MEIOB: variants seen among roughly 807,000 people sequenced by gnomAD.
MEIOB encodes meiosis-specific with OB domain-containing protein.
In MEIOB, 50 loss-of-function variants were observed where a neutral mutation model predicts 53.1. The ratio of observed to expected loss-of-function variants is 0.94; its 90% CI spans 0.75 to 1.19. MEIOB has a LOEUF of 1.19. Among genes scored for constraint, MEIOB ranks in the 50% most tolerant of loss-of-function variants. The probability of loss-of-function intolerance (pLI) is 0.00; values close to 1 mark genes in which losing one functional copy is unlikely to be tolerated. For missense variants in MEIOB, 551 were observed against 550.8 expected (o/e 1.00, Z 0.00); for synonymous variants, 192 against 182.5 (o/e 1.05, Z -0.42).
intron 10 of MEIOB, chr16:1,843,344 A>G (rs1898959920): frequency 6.6e-6 from 1 of 152,094 alleles, no homozygotes; most frequent in African/African-American, 2.4e-5. Flanking sequence ...TCACAAAACA[A>G]AAGTTATCAA....
intron 5 of MEIOB, among the ~76,000 whole-genome samples, chr16:1,858,411 C>T (rs1416670980): frequency 1.3e-5 from 2 of 152,084 alleles, no homozygotes; most frequent in Admixed American, 6.6e-5. Context: ...CCTCCTGCAC[C>T]GAGTCCCTCC....
At chr16:1,870,526 G>C (rs1369406218) in intron 1 of MEIOB, among the ~76,000 whole-genome samples, 1 of 152,192 alleles carries the variant, frequency 6.6e-6, no homozygotes, top group East Asian at 1.9e-4. Context: ...GTTTGTAGTC[G>C]TGTGTTTTAA....
At chr16:1,854,067 A>G in intron 7 of MEIOB, 33 bp downstream of exon 7, 1 of 1,271,574 alleles carries the variant, frequency 7.9e-7, no homozygotes. Context: ...AACTACAGGG[A>G]TTTCACAGTT....
At chr16:1,853,387 G>C in intron 7 of MEIOB, 116 bp from the exon 8 acceptor site, 1 of 781,912 alleles carries the variant, frequency 1.3e-6, no homozygotes, top group Non-Finnish European at 2.1e-6. Flanking sequence ...CCATCCCCAA[G>C]GTGGTCAAAG....
intron 9 of MEIOB, among the ~76,000 whole-genome samples, chr16:1,852,356 G>C (rs928383305): frequency 1.8e-4 from 27 of 149,836 alleles, no homozygotes; most frequent in African/African-American, 6.6e-4. Flanking sequence ...TCCACCTCCT[G>C]GGTTGAAGTG....
intron 10 of MEIOB, among the ~76,000 whole-genome samples, chr16:1,842,996 T>C (rs528351143): frequency 7.8e-5 from 1 of 12,848 alleles, no homozygotes; most frequent in African/African-American, 3.4e-4. Flanking sequence ...GGAAGAGAAT[T>C]TAAAAGTACA....
chr16:1,860,655 T>C (rs561087530), intron 4 of MEIOB, among the ~76,000 whole-genome samples, 180 bp from the exon 5 acceptor site: 2 of 152,202 alleles, frequency 1.3e-5, no homozygotes, highest in Non-Finnish European at 2.9e-5. Flanking sequence ...GATGTCAAAA[T>C]TGAAATCTTT....
intron 3 of MEIOB, among the ~76,000 whole-genome samples, chr16:1,865,441 A>AAAAG (rs768769591): frequency 1.3e-5 from 2 of 151,280 alleles, no homozygotes; most frequent in Non-Finnish European, 2.9e-5. Flanking sequence ...CAAAAAAAAA[A>AAAAG]AGAGAGAACA....
chr16:1,834,176 C>A lies in MEIOB; in HGVS notation c.*80G>T, dbSNP rs1898676412. On this transcript the variant is annotated 3_prime_UTR_variant, in exon 14 of 14. Coordinates refer to ENST00000325962, the MANE Select transcript of MEIOB (RefSeq NM_001163560.3). ...CATGTAAACAAAATGCAATTTTCCCCATAATTTTCAAATTAATATTCCATT... is the reference window on the plus strand; with the variant it reads ...CATGTAAACAAAATGCAATTTTCCCAATAATTTTCAAATTAATATTCCATT... 1.3e-6 allele frequency: 1 copy of A among 750,896 alleles called. No homozygotes were observed. The highest frequency in any genetic ancestry group is 2.3e-6 in the Non-Finnish European group (1 of 442,264). The allele number at this position is 750,896 out of a possible 1,614,324, so 46.5% of individuals were successfully genotyped here. A position where few individuals can be genotyped will look rare whatever the true frequency, so the allele number is the denominator to read the frequency against.
chr16:1,839,162 C>T, intron 12 of MEIOB, 93 bp downstream of exon 12: 1 of 1,391,604 alleles, frequency 7.2e-7, no homozygotes, highest in Non-Finnish European at 9.5e-7. Context: ...GAATCAATTT[C>T]TATCAAATGT....
At chr16:1,859,251 CAA>C (rs1004056085) in intron 5 of MEIOB, among the ~76,000 whole-genome samples, 9 of 152,118 alleles carry the variant, frequency 5.9e-5, no homozygotes, top group African/African-American at 2.2e-4. Context: ...ATAGAAAATA[CAA>C]AAGTTTGGCC....
intron 1 of MEIOB, among the ~76,000 whole-genome samples, chr16:1,871,605 A>C (rs1596990380): frequency 3.8e-5 from 5 of 133,246 alleles, no homozygotes. Flanking sequence ...GTTCACTGCA[A>C]CCTCCACCTC....
chr16:1,844,223 A>C (rs1214848175), intron 10 of MEIOB, among the ~76,000 whole-genome samples: 1 of 151,192 alleles, frequency 6.6e-6, no homozygotes, highest in African/African-American at 2.4e-5. Context: ...CCTGGGTTCA[A>C]GCAATTCTCC....
At chr16:1,839,536 G>C in intron 11 of MEIOB, 98 bp from the exon 12 acceptor site, 1 of 1,159,030 alleles carries the variant, frequency 8.6e-7, no homozygotes, top group African/African-American at 1.6e-5. Flanking sequence ...CTACGACAGT[G>C]TGTGGAAAAC....
At chr16:1,846,717 A>G (rs911978732) in intron 9 of MEIOB, among the ~76,000 whole-genome samples, 54 of 152,180 alleles carry the variant, frequency 3.5e-4, no homozygotes, top group Admixed American at 1.1e-3. Flanking sequence ...GCCAAATACC[A>G]TATGTTCTCA....
chr16:1,863,550 C>A (rs1899510104), intron 3 of MEIOB, among the ~76,000 whole-genome samples: 1 of 151,718 alleles, frequency 6.6e-6, no homozygotes, highest in African/African-American at 2.4e-5. Flanking sequence ...CCATGCCTGG[C>A]TAATTTTGTA....
At position 1,839,284 on chromosome 16, in the gene MEIOB, T is replaced by C; in HGVS notation, c.1189A>G (p.Ser397Gly). ...CAGCCCAAAGTCTCCTCAGCAACAC[T>C]TCCTGTGAGACTACAGGAATGAAGG... The part of the protein sequence containing the change: ...GTLHSCSLTG[S>G]VAEETLGCTV... The change falls in exon 12 of 14, where the codon AGT becomes GGT. Residue 397 changes from serine (S) to glycine (G), a missense_variant. By Grantham distance (56) the Ser-to-Gly change is moderately conservative. Transcript: ENST00000325962. 1 of 1,613,474 alleles carries C rather than the reference T, an allele frequency of 6.2e-7. No homozygotes were observed. The highest frequency in any genetic ancestry group is 1.1e-5 in the South Asian group (1 of 90,866).
chr16:1,861,934 C>A, intron 4 of MEIOB, 51 bp downstream of exon 4: 2 of 1,505,502 alleles, frequency 1.3e-6, no homozygotes, highest in Non-Finnish European at 1.8e-6. Context: ...ATAAACATAC[C>A]ACAGGAATAA....
chr16:1,841,475 T>C (rs1898910280), intron 11 of MEIOB, among the ~76,000 whole-genome samples: 1 of 152,202 alleles, frequency 6.6e-6, no homozygotes, highest in South Asian at 2.1e-4. Context: ...CTACTGCACC[T>C]GGCTTGAAAA....
Sources: allele counts gnomAD v4.1 joint callset (sites outside exome capture counted in the v4.1 genomes callset), GRCh38; gene constraint gnomAD v4.1.1; transcripts MANE v1.5; gene names NCBI Gene and HGNC (gene_info 2026-07-23, HGNC 2026-07-21).